The following CBX8 variants were observed in gnomAD, a reference collection of about 807,000 sequenced individuals.
CBX8 encodes chromobox protein homolog 8.
CBX8 carries 8 observed loss-of-function variants against 39.7 expected under a neutral mutation model. The observed-to-expected ratio is 0.20, with a 90% confidence interval of 0.12 to 0.36. The LOEUF (loss-of-function observed/expected upper bound fraction) is 0.36, where lower values mean the gene tolerates loss of function less well. CBX8 is among the 10% of genes least tolerant of loss of function. The pLI is 1.00. For synonymous variants in CBX8, 268 were observed against 219.8 expected (o/e 1.22, Z -1.94); for missense variants, 505 against 529.6 (o/e 0.95, Z 0.46).
chr17:79,795,569 G>C lies in CBX8; in HGVS notation c.247-11C>G. 2 of 1,504,916 alleles carry C rather than the reference G, an allele frequency of 1.3e-6. No homozygotes were observed. Among genetic ancestry groups the C allele is most frequent in the Non-Finnish European group, 1.8e-6 (2 of 1,128,706 alleles). 93.2% of individuals were successfully genotyped at this position (1,504,916 alleles called of 1,614,324 possible). On this transcript the variant is annotated splice_polypyrimidine_tract_variant and intron_variant, in intron 4 of 4. Coordinates refer to ENST00000269385, the MANE Select transcript of CBX8 (RefSeq NM_020649.3). This position sits in a 1 kb window ranked among gnomAD's most constrained non-coding sequence, Gnocchi z 5.8. ...TGCCTTGGCCTGCGCCTGCAGGAGAGAAGATGGTCTCAAGAGTGGGGCAGG... is the reference window on the plus strand; with the variant it reads ...TGCCTTGGCCTGCGCCTGCAGGAGACAAGATGGTCTCAAGAGTGGGGCAGG...
At position 79,795,785 on chromosome 17, in the gene CBX8, G is replaced by T. The variant is rs1424393754; in HGVS notation, c.247-227C>A. The stretch of plus-strand genomic sequence containing the variant: ...AGAGAAGAGGTAGAAGATTTGGCTG[G>T]AAGTAGTCATTTGCAAAAAGTACAC... On this transcript the variant is annotated intron_variant, in intron 4 of 4. Coordinates refer to ENST00000269385, the MANE Select transcript of CBX8 (RefSeq NM_020649.3). This position sits in a 1 kb window ranked among gnomAD's most constrained non-coding sequence, Gnocchi z 5.8. Among the ~76,000 whole-genome samples the T allele has an allele frequency of 6.6e-6, 1 of 152,188 alleles. No individual in the cohort carries two copies. The highest frequency in any genetic ancestry group is 1.5e-5 in the Non-Finnish European group (1 of 68,016).
intron 1 of CBX8, 93 bp downstream of exon 1, chr17:79,796,837 G>A: frequency 8.0e-7 from 1 of 1,254,362 alleles, no homozygotes; most frequent in South Asian, 1.3e-5. Flanking sequence ...TGGGACCTGG[G>A]GGAAGGGAAG....
Position 79,795,377 on chromosome 17 carries a change from C to A in CBX8, c.428G>T (p.Arg143Leu), listed in dbSNP as rs150922173. Residue 143 changes from arginine (R) to leucine (L), a missense_variant, in exon 5 of 5, where the codon CGC becomes CTC. By Grantham distance (102) the Arg-to-Leu change is moderately radical. Transcript: ENST00000269385. This position sits in a 1 kb window ranked among gnomAD's most constrained non-coding sequence, Gnocchi z 5.8. The stretch of plus-strand genomic sequence containing the variant: ...GTCCCGGTCCCGAGGGGCCTCTGCG[C>A]GGCAGGTGCTGCTGGTGCTGGTGCT... ...ASSTSTSSTC[R>L]AEAPRDRDRD... is the part of the protein sequence containing the mutation. 3.4e-4 allele frequency: 537 copies of A among 1,599,044 alleles called. 4 individuals are homozygous for A. In the Admixed American group the frequency reaches 6.3e-3, roughly 19 times the overall value.
chr17:79,794,989 C>T lies in CBX8; in HGVS notation c.816G>A (p.Thr272=), dbSNP rs774374794. ...GGAAGGTGTCCACAGCCAGTTTGCCCGTGGCCTCAGCTGAGCTAGGGCTGG... is the reference window on the plus strand; with the variant it reads ...GGAAGGTGTCCACAGCCAGTTTGCCTGTGGCCTCAGCTGAGCTAGGGCTGG... ...GVTSPSSAEA[T]GKLAVDTFPA... is the part of the protein sequence containing the mutation. Residue 272 remains threonine (T), a synonymous_variant, in exon 5 of 5, where the codon ACG becomes ACA. Transcript: ENST00000269385. 4.4e-6 allele frequency: 7 copies of T among 1,605,290 alleles called. No individual in the cohort carries two copies. Among genetic ancestry groups the T allele is most frequent in the South Asian group, 2.2e-5 (2 of 89,868 alleles).
In CBX8 at chr17:79,796,329, GGAA is replaced by G. The variant is rs1568508363; in HGVS notation, c.114-17_114-15del. ...CATGTGCTGTACCTAAAGGGAATCA[GGAA>G]GAAGTGGGCATCAGTCCCAGGAGCA... On this transcript the variant is annotated splice_polypyrimidine_tract_variant and intron_variant, in intron 2 of 4. Transcript: ENST00000269385. 6.2e-7 allele frequency: 1 copy of G among 1,614,062 alleles called. No individual in the cohort carries two copies. Among genetic ancestry groups the G allele is most frequent in the South Asian group, 1.1e-5 (1 of 91,086 alleles).
Position 79,795,636 on chromosome 17 carries a change from T to A in CBX8, c.247-78A>T. 1.0e-6 allele frequency: 1 copy of A among 960,780 alleles called. No homozygotes were observed. Among genetic ancestry groups the A allele is most frequent in the Non-Finnish European group, 1.4e-6 (1 of 730,908 alleles). 59.5% of individuals were successfully genotyped at this position (960,780 alleles called of 1,614,324 possible). A position where few individuals can be genotyped will look rare whatever the true frequency, so the allele number is the denominator to read the frequency against. On this transcript the variant is annotated intron_variant, in intron 4 of 4. Transcript: ENST00000269385. The surrounding 1 kb of genome is among the most constrained non-coding windows in gnomAD (Gnocchi z 5.8). ...CAGGACTCCTCCTCTATCCCTGACC[T>A]CCTATCTTTACCCTATGATGCCTGG...
Position 79,795,993 on chromosome 17 carries a change from A to C in CBX8, c.246+64T>G, listed in dbSNP as rs761273442. On this transcript the variant is annotated intron_variant, in intron 4 of 4. Transcript: ENST00000269385. This position sits in a 1 kb window ranked among gnomAD's most constrained non-coding sequence, Gnocchi z 5.8. ...GACACCCCATTGGCTCACAGCCCTC[A>C]GAGCCCCCTTCCCACAAATCACTCC... 4.5e-5 allele frequency: 67 copies of C among 1,484,948 alleles called. No homozygotes were observed. The highest frequency in any genetic ancestry group is 6.0e-5 in the Non-Finnish European group (64 of 1,066,544). The allele number at this position is 1,484,948 out of a possible 1,614,324, so 92.0% of individuals were successfully genotyped here.
chr17:79,795,005 C>G lies in CBX8; in HGVS notation c.800G>C (p.Ser267Thr). ...DLVQCGVTSP[S>T]SAEATGKLAV... ...CAGTTTGCCCGTGGCCTCAGCTGAG[C>G]TAGGGCTGGTCACACCACACTGCAC... The change falls in exon 5 of 5, where the codon AGC becomes ACC. Residue 267 changes from serine (S) to threonine (T), a missense_variant. By Grantham distance (58) the Ser-to-Thr change is moderately conservative. This residue lies in a region of CBX8 where 456 missense variants were observed against 389.2 expected (regional missense o/e 1.17). Coordinates refer to ENST00000269385, the MANE Select transcript of CBX8 (RefSeq NM_020649.3). The surrounding 1 kb of genome is among the most constrained non-coding windows in gnomAD (Gnocchi z 5.8). 6.2e-7 allele frequency: 1 copy of G among 1,606,750 alleles called. No homozygotes were observed. The highest frequency in any genetic ancestry group is 1.1e-5 in the South Asian group (1 of 89,958).
In CBX8 at chr17:79,797,074, C is replaced by T. The variant is rs1908127063; in HGVS notation, c.-76G>A. 2.9e-6 allele frequency: 4 copies of T among 1,403,266 alleles called. No homozygotes were observed. Among genetic ancestry groups the T allele is most frequent in the Non-Finnish European group, 1.9e-6 (2 of 1,033,324 alleles). 86.9% of individuals were successfully genotyped at this position (1,403,266 alleles called of 1,614,324 possible). A position where few individuals can be genotyped will look rare whatever the true frequency, so the allele number is the denominator to read the frequency against. ...AGCCAGCGCACGACAGACCATAATACTCTCCCGCTGACGTCAGTTCTCCTC... is the reference window on the plus strand; with the variant it reads ...AGCCAGCGCACGACAGACCATAATATTCTCCCGCTGACGTCAGTTCTCCTC... On this transcript the variant is annotated 5_prime_UTR_variant, in exon 1 of 5. Coordinates refer to ENST00000269385, the MANE Select transcript of CBX8 (RefSeq NM_020649.3).
rs1598235927 is a variant in CBX8, at chr17:79,795,909, G to A, written c.246+148C>T. The A allele has an allele frequency of 4.0e-6, 3 of 758,730 alleles. No homozygotes were observed. In the East Asian group the frequency reaches 7.3e-5, roughly 19 times the overall value. 47.0% of individuals were successfully genotyped at this position (758,730 alleles called of 1,614,324 possible). A position where few individuals can be genotyped will look rare whatever the true frequency, so the allele number is the denominator to read the frequency against. ...CCCAGACACAGTTGGTGCTGCTACTGACTTGGTGACATCTTGTCAGGGAAC... is the reference window on the plus strand; with the variant it reads ...CCCAGACACAGTTGGTGCTGCTACTAACTTGGTGACATCTTGTCAGGGAAC... On this transcript the variant is annotated intron_variant, in intron 4 of 4. Transcript: ENST00000269385. This position sits in a 1 kb window ranked among gnomAD's most constrained non-coding sequence, Gnocchi z 5.8.
Position 79,796,090 on chromosome 17 carries a change from C to A in CBX8, c.213G>T (p.Lys71Asn). Residue 71 changes from lysine to asparagine, a missense_variant, in exon 4 of 5, where the codon AAG (lysine) becomes AAT (asparagine). Physicochemically the swap from Lys to Asn is moderately conservative, Grantham distance 94. Transcript: ENST00000269385. ...GGAAGGTTTTGGGCTTGGGTCCACGCTTTTTGGGGCCATAGAGCTCCATCT... is the reference window on the plus strand; with the variant it reads ...GGAAGGTTTTGGGCTTGGGTCCACGATTTTTGGGGCCATAGAGCTCCATCT... Reference protein sequence around the residue: ...EREMELYGPKKRGPKPKTFLL... With the variant: ...EREMELYGPKNRGPKPKTFLL... 6.2e-7 allele frequency: 1 copy of A among 1,614,180 alleles called. No homozygotes were observed. The highest frequency in any genetic ancestry group is 8.5e-7 in the Non-Finnish European group (1 of 1,180,040).
chr17:79,796,212 T>C, intron 3 of CBX8, 38 bp downstream of exon 3: 1 of 1,613,560 alleles, frequency 6.2e-7, no homozygotes, highest in Non-Finnish European at 8.5e-7. Context: ...ACTCTACTTG[T>C]TTCTAAGTGA....
At chr17:79,796,421 T>A (rs763020082) in intron 2 of CBX8, 76 bp downstream of exon 2, 1 of 1,604,184 alleles carries the variant, frequency 6.2e-7, no homozygotes, top group Non-Finnish European at 8.5e-7. Flanking sequence ...TGTATTTCAA[T>A]GTAAAGGCAA....
Position 79,795,472 on chromosome 17 carries a change from G to T in CBX8, c.333C>A (p.Pro111=). The T allele has an allele frequency of 6.3e-7, 1 of 1,598,070 alleles. No individual in the cohort carries two copies. The highest frequency in any genetic ancestry group is 8.5e-7 in the Non-Finnish European group (1 of 1,172,262). ...CCCGGGAAGTGGAGGCCAGGTCCTG[G>T]GGCGAGCGGCCAGGGTAGGGGATCC... ...GIRIPYPGRS[P]QDLASTSRAR... Residue 111 remains proline, a synonymous_variant, in exon 5 of 5, where the codon CCC becomes CCA. Coordinates refer to ENST00000269385, the MANE Select transcript of CBX8 (RefSeq NM_020649.3). The surrounding 1 kb of genome is among the most constrained non-coding windows in gnomAD (Gnocchi z 5.8).
In CBX8 at chr17:79,794,952, T is replaced by G; in HGVS notation, c.853A>C (p.Ile285Leu). 1 of 1,606,082 alleles carries G rather than the reference T, an allele frequency of 6.2e-7. No individual in the cohort carries two copies. The highest frequency in any genetic ancestry group is 8.5e-7 in the Non-Finnish European group (1 of 1,175,716). ...LAVDTFPARV[I>L]KHRAAFLEAK... ...TCCAGGAAGGCAGCCCTGTGCTTTA[T>G]CACCCTGGCCGGGAAGGTGTCCACA... Residue 285 changes from isoleucine (I) to leucine (L), a missense_variant, in exon 5 of 5, where the codon ATA (isoleucine) becomes CTA (leucine). By Grantham distance (5) the Ile-to-Leu change is conservative. Transcript: ENST00000269385.
chr17:79,794,589 G>A lies in CBX8; in HGVS notation c.*46C>T, dbSNP rs778452438. 15 of 1,400,172 alleles carry A rather than the reference G, an allele frequency of 1.1e-5. No individual in the cohort carries two copies. Among genetic ancestry groups the A allele is most frequent in the East Asian group, 4.7e-5 (2 of 42,476 alleles). 86.7% of individuals were successfully genotyped at this position (1,400,172 alleles called of 1,614,324 possible). On this transcript the variant is annotated 3_prime_UTR_variant, in exon 5 of 5. Transcript: ENST00000269385. ...ATAAAAATCACTATGCCAAGCTCAC[G>A]CTCACTCTCTCCCCTGCTCTCCTCC...
In CBX8 at chr17:79,795,230, G is replaced by C. The variant is rs780825833; in HGVS notation, c.575C>G (p.Pro192Arg). 1.2e-6 allele frequency: 2 copies of C among 1,612,760 alleles called. No individual in the cohort carries two copies. The highest frequency in any genetic ancestry group is 1.7e-6 in the Non-Finnish European group (2 of 1,179,572). The part of the protein sequence containing the change: ...TSRVDDKPSS[P>R]GDSSKKRGPK... Reference sequence around the variant, plus strand: ...GCCTCGCTTCTTCGAGCTGTCCCCCGGTGAGCTGGGCTTGTCATCCACTCT... The same window carrying C: ...GCCTCGCTTCTTCGAGCTGTCCCCCCGTGAGCTGGGCTTGTCATCCACTCT... Residue 192 changes from proline (P) to arginine (R), a missense_variant, in exon 5 of 5, where the codon CCG becomes CGG. Pro to Arg is a moderately radical substitution (Grantham distance 103, BLOSUM62 -2). Coordinates refer to ENST00000269385, the MANE Select transcript of CBX8 (RefSeq NM_020649.3). The surrounding 1 kb of genome is among the most constrained non-coding windows in gnomAD (Gnocchi z 5.8).
At position 79,793,229 on chromosome 17, in the gene CBX8, T is replaced by C. The variant is rs1236073294; in HGVS notation, c.*1406A>G. On this transcript the variant is annotated 3_prime_UTR_variant, in exon 5 of 5. Transcript: ENST00000269385. ...CGTCCCCACTCCCAACTCCCGCTCC[T>C]CCCTCCCCCTTTGGCGGAGTTTGAA... 1 of 151,688 alleles carries C rather than the reference T, an allele frequency of 6.6e-6. No homozygotes were observed. Among genetic ancestry groups the C allele is most frequent in the Non-Finnish European group, 1.5e-5 (1 of 67,918 alleles). 9.4% of individuals were successfully genotyped at this position (151,688 alleles called of 1,614,324 possible). A position where few individuals can be genotyped will look rare whatever the true frequency, so the allele number is the denominator to read the frequency against.
At position 79,795,011 on chromosome 17, in the gene CBX8, C is replaced by G. The variant is rs921044773; in HGVS notation, c.794G>C (p.Ser265Thr). 16 of 1,606,838 alleles carry G rather than the reference C, an allele frequency of 1.0e-5. No individual in the cohort carries two copies. Among genetic ancestry groups the G allele is most frequent in the Non-Finnish European group, 1.4e-5 (16 of 1,176,248 alleles). ...GCCCGTGGCCTCAGCTGAGCTAGGG[C>G]TGGTCACACCACACTGCACCAGGTC... ...DSDLVQCGVT[S>T]PSSAEATGKL... The change falls in exon 5 of 5, where the codon AGC (serine) becomes ACC (threonine). Residue 265 changes from serine to threonine, a missense_variant. Transcript: ENST00000269385. This position sits in a 1 kb window ranked among gnomAD's most constrained non-coding sequence, Gnocchi z 5.8.
Sources: gnomAD v4.1 joint callset for allele counts (sites outside exome capture counted in the v4.1 genomes callset) on GRCh38, gnomAD v4.1.1 for gene constraint, gnomAD v4.1.1 regional missense constraint, Gnocchi (gnomAD v3.1) non-coding constraint, MANE v1.5 for transcripts, NCBI Gene and HGNC (gene_info 2026-07-23, HGNC 2026-07-21) for gene names.